ARSF: variants seen among roughly 807,000 people sequenced by gnomAD.
ARSF encodes arylsulfatase F.
ARSF carries 33 observed loss-of-function variants against 35.4 expected under a neutral mutation model. The observed-to-expected ratio is 0.93, with a 90% CI of 0.71 to 1.25. The LOEUF (loss-of-function observed/expected upper bound fraction) is 1.25, where lower values mean the gene tolerates loss of function less well. ARSF is among the 50% of genes most tolerant of loss of function. The pLI is 0.00. For synonymous variants in ARSF, 222 were observed against 193.1 expected (o/e 1.15, Z -1.24); for missense variants, 501 against 480.2 (o/e 1.04, Z -0.40).
intron 9 of ARSF, among the ~76,000 whole-genome samples, chrX:3,105,797 T>A (rs1305540873): frequency 8.9e-6 from 1 of 112,026 alleles, no homozygotes; most frequent in Non-Finnish European, 1.9e-5. Flanking sequence ...CACTGTGAAG[T>A]TATTGCAAAA....
At chrX:3,063,389 T>C (rs1297545065) in intron 1 of ARSF, among the ~76,000 whole-genome samples, 1 of 111,648 alleles carries the variant, frequency 9.0e-6, no homozygotes, top group Non-Finnish European at 1.9e-5. Context: ...CTTTGAAAAC[T>C]GGCACAAGAC....
rs200035636 is a variant in ARSF, at chrX:3,091,618, T to TA, written c.967+1992dup. ...GCCAATTTGCATAGTCTTAAACACA[T>TA]AAAAAATATGAAGTATTTAAAAATA... On this transcript the variant is annotated intron_variant, in intron 7 of 10. Coordinates refer to ENST00000381127, the MANE Select transcript of ARSF (RefSeq NM_001201539.2). Among the ~76,000 whole-genome samples the TA allele has an allele frequency of 7.2e-3, 814 of 112,281 alleles. 6 individuals carry two copies. The highest frequency in any genetic ancestry group is 0.025 in the African/African-American group (763 of 30,978).
chrX:3,046,295 T>C (rs2089975469), intron 1 of ARSF, among the ~76,000 whole-genome samples: 1 of 111,962 alleles, frequency 8.9e-6, no homozygotes, highest in South Asian at 3.8e-4. Flanking sequence ...GCTGCCAGCA[T>C]TTACCCATTC....
At chrX:3,111,139 T>C (rs2090442494) in intron 10 of ARSF, among the ~76,000 whole-genome samples, 1 of 100,036 alleles carries the variant, frequency 1.0e-5, no homozygotes, top group Admixed American at 1.1e-4. Flanking sequence ...TCTTTCTTTC[T>C]TTTTTTTTTT....
At chrX:3,106,091 G>A (rs1269804087) in intron 9 of ARSF, among the ~76,000 whole-genome samples, 1 of 112,033 alleles carries the variant, frequency 8.9e-6, no homozygotes, top group Non-Finnish European at 1.9e-5. Context: ...GGGGTTTAGG[G>A]TTATGAGTTT....
intron 1 of ARSF, among the ~76,000 whole-genome samples, chrX:3,055,294 A>G (rs2090013234): frequency 1.0e-5 from 1 of 99,112 alleles, no homozygotes; most frequent in Admixed American, 1.1e-4. Flanking sequence ...GTGAGCCCAG[A>G]TCGCGCCACT....
At chrX:3,077,873 G>A (rs983629221) in intron 4 of ARSF, among the ~76,000 whole-genome samples, 5 of 100,520 alleles carry the variant, frequency 5.0e-5, no homozygotes, top group African/African-American at 1.8e-4. Flanking sequence ...GTGCAATCTC[G>A]GCTCATTGCA....
chrX:3,051,630 C>T (rs1274499919), intron 1 of ARSF, among the ~76,000 whole-genome samples: 1 of 111,518 alleles, frequency 9.0e-6, no homozygotes, highest in Non-Finnish European at 1.9e-5. Context: ...TTAGTGTGTT[C>T]ATTTTTATCT....
chrX:3,079,724 C>T (rs1223854813), intron 4 of ARSF, among the ~76,000 whole-genome samples: 1 of 108,453 alleles, frequency 9.2e-6, no homozygotes, highest in Non-Finnish European at 1.9e-5. Context: ...CTTTGGGAAG[C>T]TGAGGAGGGC....
At chrX:3,061,918 C>G (rs1266778439) in intron 1 of ARSF, among the ~76,000 whole-genome samples, 1 of 111,355 alleles carries the variant, frequency 9.0e-6, no homozygotes, top group Non-Finnish European at 1.9e-5. Flanking sequence ...ACAAGGATAT[C>G]CAGTACTTGA....
At chrX:3,110,345 G>A (rs1436250012) in intron 10 of ARSF, 93 bp downstream of exon 10, 1 of 912,768 alleles carries the variant, frequency 1.1e-6, no homozygotes, top group South Asian at 4.3e-5. Flanking sequence ...CTCTAGACCG[G>A]TCCTTTCATT....
intron 4 of ARSF, among the ~76,000 whole-genome samples, chrX:3,079,779 G>A (rs767799699): frequency 9.3e-6 from 1 of 106,985 alleles, no homozygotes; most frequent in East Asian, 3.0e-4. Context: ...GGCCAACATG[G>A]TGAAACCCCA....
chrX:3,095,022 G>T lies in ARSF; in HGVS notation c.967+5390G>T, dbSNP rs1046057556. On this transcript the variant is annotated intron_variant, in intron 7 of 10. Transcript: ENST00000381127. ...TAGAAAGGTACGAATCATTTCCATG[G>T]TTGTAATCCCTGCTACTTTGGAGGC... Among the ~76,000 whole-genome samples the T allele has an allele frequency of 1.1e-4, 12 of 107,194 alleles. No individual in the cohort carries two copies. The Admixed American group carries it at 1.2e-3, about 11-fold the overall frequency. The allele number at this position is 107,194 out of a possible 115,157, so 93.1% of individuals were successfully genotyped here.
chrX:3,095,047 C>G (rs1850611133), intron 7 of ARSF, among the ~76,000 whole-genome samples: 1 of 108,336 alleles, frequency 9.2e-6, no homozygotes, highest in Non-Finnish European at 1.9e-5. Context: ...ACTTTGGAGG[C>G]TGATGTGGCA....
intron 8 of ARSF, among the ~76,000 whole-genome samples, chrX:3,101,510 G>A (rs2090376251): frequency 9.0e-6 from 1 of 111,297 alleles, no homozygotes; most frequent in Admixed American, 9.6e-5. Flanking sequence ...CTTTTATGGG[G>A]TCTTTAAAGA....
chrX:3,106,391 C>T (rs2090411604), intron 9 of ARSF, among the ~76,000 whole-genome samples: 1 of 111,574 alleles, frequency 9.0e-6, no homozygotes, highest in Non-Finnish European at 1.9e-5. Context: ...GTGCATTGAC[C>T]AGTTAAATAT....
At chrX:3,090,111 C>T (rs1182046114) in intron 7 of ARSF, among the ~76,000 whole-genome samples, 1 of 111,371 alleles carries the variant, frequency 9.0e-6, no homozygotes, top group Non-Finnish European at 1.9e-5. Context: ...ATCTATTGTA[C>T]TGATCTGTGT....
chrX:3,042,557 T>G lies in ARSF; in HGVS notation c.-29+894T>G, dbSNP rs1326445051. ...TGTCTCCCAGGCTGGAGTGCAATGGTGCAGTCTCAGCTCACTGCAACCTCT... is the reference window on the plus strand; with the variant it reads ...TGTCTCCCAGGCTGGAGTGCAATGGGGCAGTCTCAGCTCACTGCAACCTCT... On this transcript the variant is annotated intron_variant, in intron 1 of 10. Coordinates refer to ENST00000381127, the MANE Select transcript of ARSF (RefSeq NM_001201539.2). Among the ~76,000 whole-genome samples the G allele has an allele frequency of 6.3e-5, 7 of 111,043 alleles. 1 individual carries two copies. Among genetic ancestry groups the G allele is most frequent in the Non-Finnish European group, 1.3e-4 (7 of 53,065 alleles).
intron 1 of ARSF, among the ~76,000 whole-genome samples, chrX:3,047,846 C>G (rs945048706): frequency 2.7e-5 from 3 of 110,819 alleles, no homozygotes; most frequent in Non-Finnish European, 5.7e-5. Context: ...TAAAGACATA[C>G]CCGAGATTGG....
Sources: allele counts gnomAD v4.1 joint callset (sites outside exome capture counted in the v4.1 genomes callset), GRCh38; gene constraint gnomAD v4.1.1; transcripts MANE v1.5; gene names NCBI Gene and HGNC (gene_info 2026-07-23, HGNC 2026-07-21).